TSHR: variants seen among roughly 807,000 people sequenced by gnomAD.
The protein encoded by TSHR is thyroid stimulating hormone receptor.
In TSHR, 51 loss-of-function variants were observed where a neutral mutation model predicts 64.1. The observed-to-expected ratio is 0.80, with a 90% confidence interval of 0.64 to 1.01. The LOEUF (loss-of-function observed/expected upper bound fraction) is 1.01, where lower values mean the gene tolerates loss of function less well. Ranked by LOEUF, TSHR falls within the 50% of genes least tolerant of loss-of-function variation. TSHR has a pLI of 0.00. For missense variants in TSHR, 877 were observed against 942.8 expected (o/e 0.93, Z 0.91); for synonymous variants, 361 against 361.9 (o/e 1.00, Z 0.03).
At chr14:81,010,788 A>G (rs969784777) in intron 1 of TSHR, among the ~76,000 whole-genome samples, 2 of 152,186 alleles carry the variant, frequency 1.3e-5, no homozygotes, top group African/African-American at 2.4e-5. Flanking sequence ...GAAATTTGCT[A>G]TATTTTTGGT....
intron 4 of TSHR, among the ~76,000 whole-genome samples, chr14:81,088,877 C>A (rs1888495135): frequency 6.6e-6 from 1 of 151,880 alleles, no homozygotes; most frequent in Admixed American, 6.6e-5. Context: ...TAGAGGGTAT[C>A]TTGAACAAGA....
Position 81,143,574 on chromosome 14 carries a change from G to A in TSHR, c.1516G>A (p.Glu506Lys), listed in dbSNP as rs762048531. 4.3e-6 allele frequency: 7 copies of A among 1,613,106 alleles called. No individual in the cohort carries two copies. The highest frequency in any genetic ancestry group is 2.2e-5 in the South Asian group (2 of 91,076). Residue 506 changes from glutamate to lysine, a missense_variant, in exon 10 of 10, where the codon GAG (glutamate) becomes AAG (lysine). Transcript: ENST00000298171. ...TGGTTTCTTCACTGTCTTTGCAAGCGAGTTATCGGTGTATACGCTGACGGT... is the reference window on the plus strand; with the variant it reads ...TGGTTTCTTCACTGTCTTTGCAAGCAAGTTATCGGTGTATACGCTGACGGT... ...TAGFFTVFAS[E>K]LSVYTLTVIT... is the part of the protein sequence containing the mutation.
intron 1 of TSHR, among the ~76,000 whole-genome samples, chr14:80,996,353 TATC>T (rs925369605): frequency 6.6e-6 from 1 of 152,182 alleles, no homozygotes; most frequent in African/African-American, 2.4e-5. Flanking sequence ...AATGAGCTAT[TATC>T]TGATATGATG....
chr14:81,101,246 T>A (rs1889560596), intron 7 of TSHR, among the ~76,000 whole-genome samples: 1 of 152,138 alleles, frequency 6.6e-6, no homozygotes, highest in Non-Finnish European at 1.5e-5. Context: ...GAAGGTTTAT[T>A]CAAGAGATAG....
chr14:81,081,332 TGA>T (rs1887889947), intron 3 of TSHR, among the ~76,000 whole-genome samples: 1 of 152,196 alleles, frequency 6.6e-6, no homozygotes, highest in East Asian at 1.9e-4. Flanking sequence ...TATCAAATGA[TGA>T]GAGTTTTTTT....
At chr14:80,996,714 G>A (rs1172528829) in intron 1 of TSHR, among the ~76,000 whole-genome samples, 1 of 152,088 alleles carries the variant, frequency 6.6e-6, no homozygotes, top group African/African-American at 2.4e-5. Context: ...TGGGGGAGGG[G>A]GGACTCTCTT....
chr14:80,976,866 A>G (rs956427900), intron 1 of TSHR, among the ~76,000 whole-genome samples: 21 of 152,222 alleles, frequency 1.4e-4, no homozygotes, highest in South Asian at 6.2e-4. Flanking sequence ...CTTCTGCCCA[A>G]TGGTTCCCAG....
intron 1 of TSHR, among the ~76,000 whole-genome samples, chr14:80,986,598 T>C (rs1888462823): frequency 6.6e-6 from 1 of 152,100 alleles, no homozygotes; most frequent in African/African-American, 2.4e-5. Context: ...GCGATTCTCC[T>C]GTCTCAGCCT....
chr14:81,111,118 T>C (rs181714629), intron 8 of TSHR, among the ~76,000 whole-genome samples: 3 of 152,324 alleles, frequency 2.0e-5, no homozygotes, highest in African/African-American at 4.8e-5. Flanking sequence ...ATATGTGAGA[T>C]TGAAAGAATT....
intron 1 of TSHR, among the ~76,000 whole-genome samples, chr14:81,055,766 C>G (rs2215982): frequency 2.6e-5 from 4 of 152,222 alleles, no homozygotes; most frequent in Middle Eastern, 6.8e-3. Flanking sequence ...TTACCCAATA[C>G]TTGTATCTGC....
At chr14:81,068,443 GT>G in intron 3 of TSHR, 115 bp downstream of exon 3, 1 of 888,330 alleles carries the variant, frequency 1.1e-6, no homozygotes, top group Non-Finnish European at 1.8e-6. Context: ...CAAAACTTCT[GT>G]TTATGATTAA....
chr14:80,993,679 A>G (rs1339470643), intron 1 of TSHR: 4 of 152,172 alleles, frequency 2.6e-5, no homozygotes, highest in Non-Finnish European at 4.4e-5. Flanking sequence ...CTGCACACCA[A>G]TGGATCATCA....
At chr14:81,093,969 A>G (rs972407479) in intron 6 of TSHR, among the ~76,000 whole-genome samples, 1 of 151,842 alleles carries the variant, frequency 6.6e-6, no homozygotes, top group Non-Finnish European at 1.5e-5. Flanking sequence ...CCATATCTCA[A>G]GCACCCCCCT....
chr14:81,102,527 A>G lies in TSHR; in HGVS notation c.614+5820A>G, dbSNP rs191940216. Among the ~76,000 whole-genome samples the G allele has an allele frequency of 2.1e-3, 316 of 152,354 alleles. 1 individual carries two copies. The highest frequency in any genetic ancestry group is 3.0e-3 in the Admixed American group (46 of 15,304). ...AAGAATCTTTTGTGTCTTGGTTTCTAAAAGTCTAGATCAGGGGTCAGCAAA... is the reference window on the plus strand; with the variant it reads ...AAGAATCTTTTGTGTCTTGGTTTCTGAAAGTCTAGATCAGGGGTCAGCAAA... On this transcript the variant is annotated intron_variant, in intron 7 of 9. Coordinates refer to ENST00000298171, the MANE Select transcript of TSHR (RefSeq NM_000369.5).
At chr14:81,068,015 T>C (rs1886779233) in intron 2 of TSHR, among the ~76,000 whole-genome samples, 1 of 144,160 alleles carries the variant, frequency 6.9e-6, no homozygotes, top group Non-Finnish European at 1.5e-5. Context: ...CTGAAGGAAG[T>C]GACAGTTAAA....
At chr14:80,963,764 A>T (rs1887157961) in intron 1 of TSHR, among the ~76,000 whole-genome samples, 1 of 152,168 alleles carries the variant, frequency 6.6e-6, no homozygotes, top group South Asian at 2.1e-4. Flanking sequence ...ACTTTAGAGG[A>T]AGACCAGAGA....
chr14:81,112,568 C>G (rs531226035), intron 8 of TSHR, among the ~76,000 whole-genome samples: 1 of 152,184 alleles, frequency 6.6e-6, no homozygotes, highest in Admixed American at 6.5e-5. Context: ...CCCTCTCATT[C>G]CTATCCAATC....
chr14:81,037,393 A>G (rs991251548), intron 1 of TSHR, among the ~76,000 whole-genome samples: 3 of 150,194 alleles, frequency 2.0e-5, no homozygotes, highest in African/African-American at 7.3e-5. Flanking sequence ...AAACTATAAG[A>G]GAGGGAAAAA....
chr14:80,983,053 G>T, intron 1 of TSHR: 3 of 553,424 alleles, frequency 5.4e-6, no homozygotes, highest in Non-Finnish European at 6.6e-6. Flanking sequence ...TCACCCATTT[G>T]CCCAAGAGTT....
Sources: gnomAD v4.1 joint callset for allele counts (sites outside exome capture counted in the v4.1 genomes callset) on GRCh38, gnomAD v4.1.1 for gene constraint, MANE v1.5 for transcripts, NCBI Gene and HGNC (gene_info 2026-07-23, HGNC 2026-07-21) for gene names.